PTPN18: variants seen among roughly 807,000 people sequenced by gnomAD.
PTPN18 encodes the protein protein tyrosine phosphatase non-receptor type 18.
Under a neutral mutation model 65.4 loss-of-function variants are expected in PTPN18, and 65 were observed. The ratio of observed to expected loss-of-function variants is 0.99; its 90% CI spans 0.81 to 1.22. PTPN18 has a LOEUF of 1.22. Ranked by LOEUF, PTPN18 falls within the 50% of genes most tolerant of loss-of-function variation. PTPN18 has a pLI of 0.00. For synonymous variants in PTPN18, 255 were observed against 267.8 expected (o/e 0.95, Z 0.47); for missense variants, 616 against 646.5 (o/e 0.95, Z 0.51).
chr2:130,370,700 C>A lies in PTPN18; in HGVS notation c.757-5C>A. On this transcript the variant is annotated splice_polypyrimidine_tract_variant and splice_region_variant and intron_variant, in intron 9 of 14. Coordinates refer to ENST00000175756, the MANE Select transcript of PTPN18 (RefSeq NM_014369.4). ...CTGCTCAAGTGCCTTGTCTGTCTGCCCCAGATGATCCCACCTGACTTCAGT... is the reference window on the plus strand; with the variant it reads ...CTGCTCAAGTGCCTTGTCTGTCTGCACCAGATGATCCCACCTGACTTCAGT... 6.2e-7 allele frequency: 1 copy of A among 1,614,132 alleles called. No individual in the cohort carries two copies. The highest frequency in any genetic ancestry group is 2.2e-5 in the East Asian group (1 of 44,872).
chr2:130,367,374 T>C (rs137998579), intron 5 of PTPN18, among the ~76,000 whole-genome samples: 18 of 152,302 alleles, frequency 1.2e-4, no homozygotes, highest in Middle Eastern at 3.4e-3. Context: ...ATAATGCTTT[T>C]AAGATTTTCT....
Position 130,373,219 on chromosome 2 carries a change from G to A in PTPN18, c.1378G>A (p.Val460Met). The A allele has an allele frequency of 6.3e-7, 1 of 1,599,096 alleles. No individual in the cohort carries two copies. The highest frequency in any genetic ancestry group is 8.5e-7 in the Non-Finnish European group (1 of 1,173,428). Residue 460 changes from valine to methionine, a missense_variant, in exon 15 of 15, where the codon GTG (valine) becomes ATG (methionine). Transcript: ENST00000175756. This position sits in a 1 kb window ranked among gnomAD's most constrained non-coding sequence, Gnocchi z 4.1. The part of the protein sequence containing the change: ...PRDPPAEWTR[V>M] ...GGACCCGCCTGCTGAGTGGACCCGG[G>A]TGTAAGTCTAACGCCAGTTCCTGCC...
At chr2:130,367,680 T>A (rs7582726) in intron 5 of PTPN18, among the ~76,000 whole-genome samples, 17,807 of 151,514 alleles carry the variant, frequency 0.12, 3,373 homozygotes, top group African/African-American at 0.4. Context: ...CAAAAAAAAA[T>A]TTTTTTTTCT....
rs537155136 is a variant in PTPN18, at chr2:130,373,254, T to C, written c.*30T>C. On this transcript the variant is annotated 3_prime_UTR_variant, in exon 15 of 15. Coordinates refer to ENST00000175756, the MANE Select transcript of PTPN18 (RefSeq NM_014369.4). This position sits in a 1 kb window ranked among gnomAD's most constrained non-coding sequence, Gnocchi z 4.1. ...AACGCCAGTTCCTGCCTGTTGCCTCTTGTGAGCTCGGACTGCTGATGCCCC... is the reference window on the plus strand; with the variant it reads ...AACGCCAGTTCCTGCCTGTTGCCTCCTGTGAGCTCGGACTGCTGATGCCCC... 6.5e-7 allele frequency: 1 copy of C among 1,546,112 alleles called. No homozygotes were observed. The highest frequency in any genetic ancestry group is 8.7e-7 in the Non-Finnish European group (1 of 1,147,662).
At chr2:130,359,738 CCAGCT>C in intron 5 of PTPN18, 92 bp downstream of exon 5, 1 of 1,462,560 alleles carries the variant, frequency 6.8e-7, no homozygotes, top group Non-Finnish European at 9.5e-7. Flanking sequence ...ACCCGAGGGT[CCAGCT>C]CTTGGAGTGA....
Position 130,359,660 on chromosome 2 carries a change from GC to G in PTPN18, c.414+19del. Reference sequence around the variant, plus strand: ...GAGAATGGGCGGGTAGGTGCCCTCTGCCCCCAGGTTTCATGTCCTTGTGGGA... The same window carrying G: ...GAGAATGGGCGGGTAGGTGCCCTCTGCCCCAGGTTTCATGTCCTTGTGGGA... On this transcript the variant is annotated intron_variant, in intron 5 of 14. Coordinates refer to ENST00000175756, the MANE Select transcript of PTPN18 (RefSeq NM_014369.4). 1 of 1,613,186 alleles carries G rather than the reference GC, an allele frequency of 6.2e-7. No homozygotes were observed. Among genetic ancestry groups the G allele is most frequent in the Non-Finnish European group, 8.5e-7 (1 of 1,179,136 alleles).
Position 130,371,302 on chromosome 2 carries a change from C to A in PTPN18, c.1013+15C>A. The A allele has an allele frequency of 1.3e-6, 2 of 1,553,670 alleles. No homozygotes were observed. The highest frequency in any genetic ancestry group is 1.8e-6 in the Non-Finnish European group (2 of 1,134,166). On this transcript the variant is annotated intron_variant, in intron 12 of 14. Coordinates refer to ENST00000175756, the MANE Select transcript of PTPN18 (RefSeq NM_014369.4). Reference sequence around the variant, plus strand: ...GGGGTCCTCAGGTACCCGGCTCCATCCCCGGATTCTTCCCTGCCCAATTTC... The same window carrying A: ...GGGGTCCTCAGGTACCCGGCTCCATACCCGGATTCTTCCCTGCCCAATTTC...
intron 1 of PTPN18, chr2:130,356,543 G>T (rs1447674501): frequency 6.0e-6 from 3 of 503,662 alleles, no homozygotes; most frequent in Admixed American, 4.6e-5. Context: ...GCCCTGCTGC[G>T]CTGGACAGCC....
At chr2:130,369,912 A>G (rs1680498798) in intron 7 of PTPN18, 85 bp downstream of exon 7, 3 of 1,537,016 alleles carry the variant, frequency 2.0e-6, no homozygotes, top group South Asian at 1.1e-5. Flanking sequence ...TCATACTAGT[A>G]CCCACTTCCT....
In PTPN18 at chr2:130,372,890, C is replaced by T; in HGVS notation, c.1258C>T (p.Pro420Ser). The change falls in exon 14 of 15, where the codon CCT becomes TCT. Residue 420 changes from proline to serine, a missense_variant. Around this residue, in one of 3 missense-constraint regions of PTPN18, gnomAD observed 368 missense variants for 386.7 expected, o/e 0.95. Transcript: ENST00000175756. ...GCCCTCAGTTCCTGCTGACCAAAGT[C>T]CTGCCGGATCTGGCGCCTACGAGGA... ...LPGRVPADQSPAGSGAYEDVA... is the reference protein window; with the variant it reads ...LPGRVPADQSSAGSGAYEDVA... The T allele has an allele frequency of 3.7e-6, 6 of 1,614,216 alleles. No homozygotes were observed. The highest frequency in any genetic ancestry group is 3.3e-5 in the South Asian group (3 of 91,086).
intron 5 of PTPN18, among the ~76,000 whole-genome samples, chr2:130,367,131 T>A (rs1680412162): frequency 7.3e-6 from 1 of 137,650 alleles, no homozygotes; most frequent in Non-Finnish European, 1.5e-5. Flanking sequence ...CAAGCAATCC[T>A]CCTGCCTTAG....
intron 6 of PTPN18, 38 bp downstream of exon 6, chr2:130,369,239 G>A: frequency 6.3e-7 from 1 of 1,578,654 alleles, no homozygotes. Flanking sequence ...TTCCCAGGGT[G>A]GAAAGGCTTT....
chr2:130,359,571 C>A (rs777211971), intron 4 of PTPN18, 37 bp from the exon 5 acceptor site: 4 of 1,613,496 alleles, frequency 2.5e-6, no homozygotes, highest in Non-Finnish European at 3.4e-6. Context: ...CCCCCTCACC[C>A]AAATCACCTT....
Position 130,374,319 on chromosome 2 carries a change from T to C in PTPN18, c.*1095T>C, listed in dbSNP as rs1310893658. 5.6e-5 allele frequency: 14 copies of C among 250,542 alleles called. No individual in the cohort carries two copies. Among genetic ancestry groups the C allele is most frequent in the Non-Finnish European group, 8.1e-6 (1 of 124,004 alleles). The allele number at this position is 250,542 out of a possible 1,614,324, so 15.5% of individuals were successfully genotyped here. On this transcript the variant is annotated 3_prime_UTR_variant, in exon 15 of 15. Transcript: ENST00000175756. ...CTATTCACACAGCCTGCCGAGTAGC[T>C]GGGACTACAGGTCTAATTTTTTTTT...
At chr2:130,369,851 G>A in intron 7 of PTPN18, 24 bp downstream of exon 7, 1 of 1,570,172 alleles carries the variant, frequency 6.4e-7, no homozygotes, top group South Asian at 1.1e-5. Context: ...GGAGGAGGAG[G>A]TAAAGGGGCT....
intron 1 of PTPN18, among the ~76,000 whole-genome samples, chr2:130,357,024 C>G (rs1679996443): frequency 6.6e-6 from 1 of 152,142 alleles, no homozygotes. Flanking sequence ...AACCCCGTCT[C>G]TACTAAAAAT....
chr2:130,374,569 G>T lies in PTPN18; in HGVS notation c.*1345G>T, dbSNP rs1680680799. Reference sequence around the variant, plus strand: ...AAATAAAAGGAGGACACGTCTCTGTGCACTGGTGTGGACAAATCTCCAAGT... The same window carrying T: ...AAATAAAAGGAGGACACGTCTCTGTTCACTGGTGTGGACAAATCTCCAAGT... On this transcript the variant is annotated 3_prime_UTR_variant, in exon 15 of 15. Coordinates refer to ENST00000175756, the MANE Select transcript of PTPN18 (RefSeq NM_014369.4). 4.3e-6 allele frequency: 2 copies of T among 468,846 alleles called. No homozygotes were observed. Among genetic ancestry groups the T allele is most frequent in the Admixed American group, 2.4e-5 (1 of 42,468 alleles). The allele number at this position is 468,846 out of a possible 1,614,324, so 29.0% of individuals were successfully genotyped here.
At position 130,359,732 on chromosome 2, in the gene PTPN18, G is replaced by A. The variant is rs770353050; in HGVS notation, c.414+86G>A. 61 of 1,470,540 alleles carry A rather than the reference G, an allele frequency of 4.1e-5. 1 individual carries two copies. Among genetic ancestry groups the A allele is most frequent in the Middle Eastern group, 1.8e-4 (1 of 5,590 alleles). 91.1% of individuals were successfully genotyped at this position (1,470,540 alleles called of 1,614,324 possible). On this transcript the variant is annotated intron_variant, in intron 5 of 14. Coordinates refer to ENST00000175756, the MANE Select transcript of PTPN18 (RefSeq NM_014369.4). ...TAGCTCCTCCTTGACCCCAGGACCC[G>A]AGGGTCCAGCTCTTGGAGTGACCTT...
At chr2:130,369,288 C>T (rs1282085997) in intron 6 of PTPN18, 87 bp downstream of exon 6, 2 of 1,214,546 alleles carry the variant, frequency 1.6e-6, no homozygotes, top group East Asian at 4.8e-5. Context: ...AACCCACAGT[C>T]CACTCATACT....
Sources: gnomAD v4.1 joint callset for allele counts (sites outside exome capture counted in the v4.1 genomes callset) on GRCh38, gnomAD v4.1.1 for gene constraint, gnomAD v4.1.1 regional missense constraint, Gnocchi (gnomAD v3.1) non-coding constraint, MANE v1.5 for transcripts, NCBI Gene and HGNC (gene_info 2026-07-23, HGNC 2026-07-21) for gene names.